OCA2: variants seen among roughly 807,000 people sequenced by gnomAD.
The protein encoded by OCA2 is OCA2 melanosomal transmembrane protein.
A neutral mutation model predicts 100.2 loss-of-function variants in OCA2; 77 were observed. That is an observed-to-expected ratio of 0.77 (90% CI 0.64 to 0.93). The LOEUF is 0.93. OCA2 is among the 40% of genes least tolerant of loss of function. The pLI is 0.00. For missense variants in OCA2, 1,062 were observed against 1,089.1 expected (o/e 0.98, Z 0.35); for synonymous variants, 432 against 439.2 (o/e 0.98, Z 0.21).
chr15:27,873,195 G>A (rs150206656), intron 19 of OCA2, among the ~76,000 whole-genome samples: 14 of 152,314 alleles, frequency 9.2e-5, no homozygotes, highest in South Asian at 8.3e-4. Context: ...GAGCCAGATC[G>A]TTCTTGGCTG....
At chr15:27,827,209 A>G (rs529127103) in intron 23 of OCA2, among the ~76,000 whole-genome samples, 3 of 152,344 alleles carry the variant, frequency 2.0e-5, no homozygotes, top group Admixed American at 1.3e-4. Context: ...TACACAAACC[A>G]AGAAATGGAA....
chr15:27,800,180 A>C (rs969344799), intron 23 of OCA2, among the ~76,000 whole-genome samples: 1 of 152,248 alleles, frequency 6.6e-6, no homozygotes, highest in Non-Finnish European at 1.5e-5. Context: ...AACACAACTT[A>C]TCAGAATTTG....
chr15:27,998,890 T>A (rs12906778), intron 9 of OCA2, among the ~76,000 whole-genome samples: 1 of 138,318 alleles, frequency 7.2e-6, no homozygotes, highest in African/African-American at 2.5e-5. Context: ...TGAGTTCATG[T>A]CCTTTGTAGG....
chr15:28,015,451 C>T (rs1051610043), intron 8 of OCA2, among the ~76,000 whole-genome samples: 5 of 152,114 alleles, frequency 3.3e-5, no homozygotes, highest in African/African-American at 4.8e-5. Context: ...GTCCTAACCC[C>T]GAGTACCTCC....
intron 23 of OCA2, among the ~76,000 whole-genome samples, chr15:27,836,983 C>G (rs2035177458): frequency 6.6e-6 from 1 of 152,078 alleles, no homozygotes; most frequent in Non-Finnish European, 1.5e-5. Context: ...CAATAAAATT[C>G]AACTTAATGT....
chr15:27,883,698 G>A (rs575954014), intron 19 of OCA2, among the ~76,000 whole-genome samples: 2 of 152,210 alleles, frequency 1.3e-5, no homozygotes, highest in Non-Finnish European at 2.9e-5. Context: ...TACCATGGCA[G>A]AGGTACAAGC....
chr15:27,808,377 G>A lies in OCA2; in HGVS notation c.2432+36582C>T, dbSNP rs892741480. On this transcript the variant is annotated intron_variant, in intron 23 of 23. Coordinates refer to ENST00000354638, the MANE Select transcript of OCA2 (RefSeq NM_000275.3). ...CCCTTCAGCTGAAAGTAATGAACTGGGACCTAGATGCTGGGTTGGGGAGCA... is the reference window on the plus strand; with the variant it reads ...CCCTTCAGCTGAAAGTAATGAACTGAGACCTAGATGCTGGGTTGGGGAGCA... Among the ~76,000 whole-genome samples, 4 of 152,326 alleles carry A rather than the reference G, an allele frequency of 2.6e-5. No homozygotes were observed. In the East Asian group the frequency reaches 7.8e-4, roughly 30 times the overall value.
chr15:27,865,944 T>C (rs1567037011), intron 21 of OCA2, among the ~76,000 whole-genome samples: 1 of 152,082 alleles, frequency 6.6e-6, no homozygotes, highest in African/African-American at 2.4e-5. Flanking sequence ...GGCCCCTCTG[T>C]AGGCAGGAAA....
At chr15:27,771,944 T>G (rs2031900070) in intron 23 of OCA2, among the ~76,000 whole-genome samples, 1 of 152,228 alleles carries the variant, frequency 6.6e-6, no homozygotes, top group Non-Finnish European at 1.5e-5. Flanking sequence ...CCTTCTCTCC[T>G]GTGTTACTTT....
chr15:27,782,977 A>C (rs763063285), intron 23 of OCA2, among the ~76,000 whole-genome samples: 6 of 152,192 alleles, frequency 3.9e-5, no homozygotes, highest in Non-Finnish European at 7.3e-5. Flanking sequence ...AACATCTATT[A>C]CACTGGACTC....
chr15:28,022,558 A>G lies in OCA2; in HGVS notation c.589T>C (p.Tyr197His). Reference sequence around the variant, plus strand: ...TGCCAGAGCTTTCCTTGATCCGGATATAGGCTGAACAAAATCTGTAACAAT... The same window carrying G: ...TGCCAGAGCTTTCCTTGATCCGGATGTAGGCTGAACAAAATCTGTAACAAT... ...VVLCSILFSLYPDQGKLWQLL... is the reference protein window; with the variant it reads ...VVLCSILFSLHPDQGKLWQLL... Residue 197 changes from tyrosine to histidine, a missense_variant, in exon 6 of 24, where the codon TAT becomes CAT. Coordinates refer to ENST00000354638, the MANE Select transcript of OCA2 (RefSeq NM_000275.3). 1.2e-6 allele frequency: 2 copies of G among 1,613,764 alleles called. No homozygotes were observed. Among genetic ancestry groups the G allele is most frequent in the Non-Finnish European group, 1.7e-6 (2 of 1,179,612 alleles).
chr15:27,740,403 C>T, the OCA2 span, among the ~76,000 whole-genome samples: 1 of 152,100 alleles, frequency 6.6e-6, no homozygotes, highest in South Asian at 2.1e-4. Context: ...CAGGCTGCAG[C>T]CCTGACCATC....
chr15:27,998,117 C>A (rs1162874720), intron 9 of OCA2, among the ~76,000 whole-genome samples: 1 of 147,056 alleles, frequency 6.8e-6, no homozygotes, highest in African/African-American at 2.4e-5. Context: ...CTAAGCAATA[C>A]CATTCAGGAC....
At chr15:28,048,194 C>A (rs2043400091) in intron 2 of OCA2, among the ~76,000 whole-genome samples, 1 of 152,142 alleles carries the variant, frequency 6.6e-6, no homozygotes, top group South Asian at 2.1e-4. Flanking sequence ...TTAATACTAT[C>A]CAAAGTGATT....
intron 19 of OCA2, among the ~76,000 whole-genome samples, chr15:27,884,323 C>T (rs765237568): frequency 3.7e-4 from 57 of 152,158 alleles, no homozygotes; most frequent in Admixed American, 5.9e-4. Flanking sequence ...TGCAGTGAAC[C>T]GAAATCGCAC....
chr15:28,055,027 C>A (rs746753227), intron 2 of OCA2, among the ~76,000 whole-genome samples: 1 of 152,248 alleles, frequency 6.6e-6, no homozygotes, highest in Non-Finnish European at 1.5e-5. Context: ...CCTGTTCCCA[C>A]CCTTGACATG....
the OCA2 span, among the ~76,000 whole-genome samples, chr15:27,726,449 AAG>A: frequency 6.6e-6 from 1 of 152,222 alleles, no homozygotes; most frequent in African/African-American, 2.4e-5. Context: ...AATACAAAGA[AAG>A]AGGCAGCAGC....
intron 14 of OCA2, among the ~76,000 whole-genome samples, chr15:27,973,172 C>T (rs2040861392): frequency 6.6e-6 from 1 of 152,042 alleles, no homozygotes; most frequent in Non-Finnish European, 1.5e-5. Flanking sequence ...GCCCAGTCTG[C>T]ATTAGCTTTT....
intron 2 of OCA2, among the ~76,000 whole-genome samples, chr15:28,069,067 A>G (rs1207100724): frequency 6.6e-6 from 1 of 152,168 alleles, no homozygotes; most frequent in Non-Finnish European, 1.5e-5. Flanking sequence ...CTCCTATTCA[A>G]CAGAGTATTA....
Sources: gnomAD v4.1 joint callset for allele counts (sites outside exome capture counted in the v4.1 genomes callset) on GRCh38, gnomAD v4.1.1 for gene constraint, MANE v1.5 for transcripts, NCBI Gene and HGNC (gene_info 2026-07-23, HGNC 2026-07-21) for gene names.